CTNNA3: variants seen among roughly 807,000 people sequenced by gnomAD.
CTNNA3 encodes the protein catenin alpha-3.
A neutral mutation model predicts 95.7 loss-of-function variants in CTNNA3; 76 were observed. That is an observed-to-expected ratio of 0.79 (90% CI 0.66 to 0.96). The LOEUF is 0.96. Ranked by LOEUF, CTNNA3 falls within the 40% of genes least tolerant of loss-of-function variation. The pLI, the probability that CTNNA3 is intolerant of heterozygous loss-of-function variation, is 0.00. For synonymous variants in CTNNA3, 431 were observed against 374.4 expected (o/e 1.15, Z -1.74); for missense variants, 1,191 against 1,089.8 (o/e 1.09, Z -1.31).
chr10:67,210,471 CTTT>C (rs1864094161), intron 6 of CTNNA3, among the ~76,000 whole-genome samples: 1 of 152,088 alleles, frequency 6.6e-6, no homozygotes, highest in Non-Finnish European at 1.5e-5. Context: ...TCTATTGCCT[CTTT>C]TTTGTACACA....
At chr10:66,884,505 G>A (rs1844968600) in intron 7 of CTNNA3, among the ~76,000 whole-genome samples, 1 of 152,042 alleles carries the variant, frequency 6.6e-6, no homozygotes, top group South Asian at 2.1e-4. Flanking sequence ...TGTGACAAAG[G>A]ACTGGGGCCT....
intron 13 of CTNNA3, among the ~76,000 whole-genome samples, chr10:66,184,036 C>T (rs138790997): frequency 1.1e-3 from 163 of 152,112 alleles, no homozygotes; most frequent in African/African-American, 3.8e-3. Context: ...GAAAATTTTA[C>T]GGCTCACGCC....
intron 7 of CTNNA3, chr10:66,926,705 T>C (rs896796929): frequency 2.5e-6 from 3 of 1,216,402 alleles, no homozygotes; most frequent in African/African-American, 3.1e-5. Context: ...TCTAAGACTA[T>C]GAATTTATTT....
At chr10:66,149,755 C>T (rs1210676021) in intron 13 of CTNNA3, among the ~76,000 whole-genome samples, 3 of 148,262 alleles carry the variant, frequency 2.0e-5, no homozygotes, top group Non-Finnish European at 4.5e-5. Flanking sequence ...ATTAAAATTA[C>T]AGTTCTTTAT....
chr10:67,649,774 A>G (rs1206609870), intron 1 of CTNNA3, among the ~76,000 whole-genome samples: 1 of 152,248 alleles, frequency 6.6e-6, no homozygotes, highest in Admixed American at 6.5e-5. Context: ...TAGCAATACC[A>G]CAACGCAAAT....
At chr10:67,097,792 C>T in intron 7 of CTNNA3, 1 of 1,612,048 alleles carries the variant, frequency 6.2e-7, no homozygotes, top group South Asian at 1.1e-5. Flanking sequence ...CAGCAGCTAG[C>T]TTAACTGAGA....
chr10:67,745,282 G>A (rs2131743392), intron 1 of CTNNA3, among the ~76,000 whole-genome samples: 1 of 152,098 alleles, frequency 6.6e-6, no homozygotes, highest in African/African-American at 2.4e-5. Context: ...ACGATAGACT[G>A]GATTAAGAAA....
intron 10 of CTNNA3, among the ~76,000 whole-genome samples, chr10:66,566,355 G>A (rs1842705945): frequency 2.0e-5 from 3 of 152,152 alleles, no homozygotes; most frequent in Admixed American, 2.0e-4. Context: ...CCTAGATCAT[G>A]ACAATAAATA....
chr10:67,321,874 T>C (rs1362007785), intron 5 of CTNNA3, among the ~76,000 whole-genome samples: 4 of 152,250 alleles, frequency 2.6e-5, no homozygotes, highest in Non-Finnish European at 5.9e-5. Context: ...TCCATCCCTA[T>C]AAGCAGCCCC....
At chr10:65,979,133 C>T (rs2078268162) in intron 16 of CTNNA3, among the ~76,000 whole-genome samples, 2 of 152,076 alleles carry the variant, frequency 1.3e-5, no homozygotes, top group Admixed American at 6.6e-5. Flanking sequence ...CATATTTAGG[C>T]TGAAATTGTC....
intron 7 of CTNNA3, among the ~76,000 whole-genome samples, chr10:67,059,229 T>A (rs1160595162): frequency 6.6e-6 from 1 of 152,206 alleles, no homozygotes; most frequent in Non-Finnish European, 1.5e-5. Context: ...ATGAGCCAGA[T>A]CACCATTTTC....
chr10:66,038,996 C>A (rs1408115825), intron 15 of CTNNA3, among the ~76,000 whole-genome samples: 1 of 152,080 alleles, frequency 6.6e-6, no homozygotes, highest in Non-Finnish European at 1.5e-5. Flanking sequence ...CTAGAAAATC[C>A]CATAGTCTCA....
intron 11 of CTNNA3, among the ~76,000 whole-genome samples, chr10:66,444,169 C>T (rs1054234053): frequency 3.9e-5 from 6 of 152,086 alleles, no homozygotes; most frequent in African/African-American, 1.4e-4. Context: ...AAATATGGGA[C>T]TATGTGAAAA....
At chr10:66,654,164 G>A (rs929256910) in intron 9 of CTNNA3, among the ~76,000 whole-genome samples, 19 of 151,920 alleles carry the variant, frequency 1.3e-4, no homozygotes, top group Non-Finnish European at 2.5e-4. Context: ...ACAGAGTGAA[G>A]AGACAACCTA....
chr10:66,001,071 T>TC (rs2078760675), intron 15 of CTNNA3, among the ~76,000 whole-genome samples: 1 of 152,070 alleles, frequency 6.6e-6, no homozygotes, highest in Non-Finnish European at 1.5e-5. Context: ...AACAGTGACT[T>TC]CATCACACAT....
intron 17 of CTNNA3, among the ~76,000 whole-genome samples, chr10:65,945,822 T>G (rs1190355894): frequency 6.6e-6 from 1 of 152,296 alleles, no homozygotes; most frequent in South Asian, 2.1e-4. Context: ...CCACTTCTGG[T>G]CATTATTTAG....
At chr10:66,888,989 T>C (rs10822935) in intron 7 of CTNNA3, among the ~76,000 whole-genome samples, 48,569 of 152,024 alleles carry the variant, frequency 0.32, 9,350 homozygotes, top group South Asian at 0.5. Flanking sequence ...ACTTAGCAAA[T>C]AGATAAATAA....
In CTNNA3 at chr10:65,915,756, T is replaced by A. The variant is rs754512943; in HGVS notation, c.*4574A>T. The A allele has an allele frequency of 2.0e-5, 3 of 152,174 alleles. No individual in the cohort carries two copies. Among genetic ancestry groups the A allele is most frequent in the Admixed American group, 1.3e-4 (2 of 15,266 alleles). The allele number at this position is 152,174 out of a possible 1,614,324, so 9.4% of individuals were successfully genotyped here. On this transcript the variant is annotated 3_prime_UTR_variant, in exon 18 of 18. Transcript: ENST00000433211. The stretch of plus-strand genomic sequence containing the variant: ...TTAGAGTGTCCAGAAATGGATTCTA[T>A]CTTGTCTGTTAGGGGGAAAATATTC...
intron 9 of CTNNA3, among the ~76,000 whole-genome samples, chr10:66,676,764 CA>C (rs1205365686): frequency 6.6e-6 from 1 of 152,026 alleles, no homozygotes; most frequent in Non-Finnish European, 1.5e-5. Context: ...ATGATTTATT[CA>C]AAAAAGCAAG....
Sources: allele counts gnomAD v4.1 joint callset (sites outside exome capture counted in the v4.1 genomes callset), GRCh38; gene constraint gnomAD v4.1.1; transcripts MANE v1.5; gene names NCBI Gene and HGNC (gene_info 2026-07-23, HGNC 2026-07-21).